CDH12: variants seen among roughly 807,000 people sequenced by gnomAD.
CDH12 encodes the protein cadherin-12.
In CDH12, 41 loss-of-function variants were observed where a neutral mutation model predicts 74.1. The observed-to-expected ratio is 0.55, with a 90% CI of 0.43 to 0.72. CDH12 has a LOEUF of 0.72. Among genes scored for constraint, CDH12 ranks in the 30% least tolerant of loss-of-function variants. The pLI is 0.00. For missense variants in CDH12, 945 were observed against 977.2 expected, an observed-to-expected ratio of 0.97 and a Z score of 0.44; for synonymous variants, 399 against 355.0, an observed-to-expected ratio of 1.12 and a Z score of -1.39.
At position 22,262,172 on chromosome 5, in the gene CDH12, G is replaced by T. The variant is rs571065124; in HGVS notation, c.-332-49529C>A. Among the ~76,000 whole-genome samples the T allele has an allele frequency of 3.6e-4, 54 of 151,272 alleles. 1 individual carries two copies. The highest frequency in any genetic ancestry group is 2.2e-3 in the Admixed American group (33 of 15,186). On this transcript the variant is annotated intron_variant, in intron 3 of 14. Transcript: ENST00000382254. ...TAGGGTACATGTGCACATTGTGCAG[G>T]TTAGTTACATATGTATACATGTGCT...
chr5:22,513,511 C>G (rs1389319155), intron 1 of CDH12, among the ~76,000 whole-genome samples: 1 of 152,172 alleles, frequency 6.6e-6, no homozygotes, highest in Non-Finnish European at 1.5e-5. Flanking sequence ...TCTACAGCAT[C>G]TGAGTATCTT....
chr5:22,141,562 G>A (rs1384702029), intron 4 of CDH12: 5 of 152,096 alleles, frequency 3.3e-5, no homozygotes, highest in Non-Finnish European at 5.9e-5. Flanking sequence ...GGCCAGCAAG[G>A]ATTTTATATT....
intron 1 of CDH12, among the ~76,000 whole-genome samples, chr5:22,563,513 C>T (rs1168425944): frequency 6.6e-6 from 1 of 152,076 alleles, no homozygotes; most frequent in South Asian, 2.1e-4. Flanking sequence ...AATATTTTCT[C>T]CCATTCTGTA....
At chr5:21,843,270 A>T (rs1561234869) in intron 7 of CDH12, among the ~76,000 whole-genome samples, 1 of 152,168 alleles carries the variant, frequency 6.6e-6, no homozygotes, top group African/African-American at 2.4e-5. Context: ...ACTTTCTTTA[A>T]GTAGCATATA....
chr5:21,991,853 G>GT (rs923902440), intron 5 of CDH12, among the ~76,000 whole-genome samples: 12 of 151,658 alleles, frequency 7.9e-5, no homozygotes, highest in Non-Finnish European at 1.3e-4. Flanking sequence ...TATGAGTCAA[G>GT]TTTTTTTGTC....
intron 4 of CDH12, among the ~76,000 whole-genome samples, chr5:22,196,900 G>T (rs1218190752): frequency 6.6e-6 from 1 of 152,018 alleles, no homozygotes; most frequent in Admixed American, 6.6e-5. Context: ...TGGGTCAGTC[G>T]AATTTCTTAA....
rs76059192 is a variant in CDH12 at position 22,371,717 on chromosome 5, T to C, written c.-333+33540A>G. On this transcript the variant is annotated intron_variant, in intron 3 of 14. Transcript: ENST00000382254. ...CTTTTAAAATCAATTAAGTATATAG[T>C]ACATATGTAGAATATTATGTACCAA... 2.7e-3 allele frequency among the ~76,000 whole-genome samples: 409 copies of C among 152,334 alleles called. 13 individuals carry two copies. The East Asian group carries it at 0.071, about 26-fold the overall frequency.
chr5:22,820,103 C>T (rs1749609907), intron 1 of CDH12, among the ~76,000 whole-genome samples: 2 of 149,222 alleles, frequency 1.3e-5, no homozygotes, highest in Admixed American at 1.4e-4. Context: ...CATAGCTGAA[C>T]AGAAATTTCA....
intron 3 of CDH12, among the ~76,000 whole-genome samples, chr5:22,347,390 C>T (rs1190741952): frequency 1.3e-5 from 2 of 152,136 alleles, no homozygotes; most frequent in African/African-American, 4.8e-5. Context: ...CCTTGAGCAT[C>T]GGACTCCAAA....
intron 6 of CDH12, among the ~76,000 whole-genome samples, chr5:21,943,786 A>G (rs1162993719): frequency 6.6e-6 from 1 of 152,220 alleles, no homozygotes; most frequent in African/African-American, 2.4e-5. Context: ...TAACAGGAAC[A>G]GCTACAAAAT....
rs189037604 is a variant in CDH12, at chr5:22,660,557, A to T, written c.-522-155193T>A. Among the ~76,000 whole-genome samples, 620 of 152,264 alleles carry T rather than the reference A, an allele frequency of 4.1e-3. 4 individuals are homozygous for T. The highest frequency in any genetic ancestry group is 0.014 in the African/African-American group (585 of 41,560). On this transcript the variant is annotated intron_variant, in intron 1 of 14. Transcript: ENST00000382254. Reference sequence around the variant, plus strand: ...CCCCGGAGTAGCTGTGACTACAGGCATGCATCACCACGCCCAGCTAATTTT... The same window carrying T: ...CCCCGGAGTAGCTGTGACTACAGGCTTGCATCACCACGCCCAGCTAATTTT...
At chr5:22,194,328 G>GTT (rs754082945) in intron 4 of CDH12, among the ~76,000 whole-genome samples, 7 of 111,444 alleles carry the variant, frequency 6.3e-5, no homozygotes, top group African/African-American at 9.9e-5. Flanking sequence ...TTTTTGTTTT[G>GTT]TTTTTTTTGT....
intron 3 of CDH12, among the ~76,000 whole-genome samples, chr5:22,311,085 A>G (rs1221743913): frequency 6.6e-6 from 1 of 152,152 alleles, no homozygotes; most frequent in South Asian, 2.1e-4. Context: ...TTAAGAACTT[A>G]CTCAATTCAT....
intron 3 of CDH12, among the ~76,000 whole-genome samples, chr5:22,376,810 G>C (rs144769439): frequency 6.6e-6 from 1 of 150,848 alleles, no homozygotes; most frequent in African/African-American, 2.4e-5. Flanking sequence ...GACGTGAGCC[G>C]CTGTACCTAG....
At chr5:21,923,620 C>T (rs938487696) in intron 6 of CDH12, among the ~76,000 whole-genome samples, 20 of 152,072 alleles carry the variant, frequency 1.3e-4, no homozygotes, top group Non-Finnish European at 2.4e-4. Context: ...TTCTGATTCC[C>T]GCAGTGATTC....
At chr5:22,441,697 T>C (rs1312225152) in intron 2 of CDH12, among the ~76,000 whole-genome samples, 1 of 152,126 alleles carries the variant, frequency 6.6e-6, no homozygotes, top group Non-Finnish European at 1.5e-5. Context: ...TATTATTTGT[T>C]TTGTTAATAT....
chr5:22,654,219 TGTTTC>T (rs1739900086), intron 1 of CDH12, among the ~76,000 whole-genome samples: 1 of 151,192 alleles, frequency 6.6e-6, no homozygotes, highest in South Asian at 2.1e-4. Context: ...TCTTTCTTTT[TGTTTC>T]TTTGTTTCTT....
chr5:22,284,163 AG>A (rs1471371856), intron 3 of CDH12, among the ~76,000 whole-genome samples: 1 of 152,202 alleles, frequency 6.6e-6, no homozygotes, highest in Non-Finnish European at 1.5e-5. Flanking sequence ...AGATTTTGAT[AG>A]AACTTTGAAG....
At chr5:22,819,807 A>G (rs1210262949) in intron 1 of CDH12, among the ~76,000 whole-genome samples, 2 of 150,904 alleles carry the variant, frequency 1.3e-5, no homozygotes, top group Admixed American at 6.6e-5. Flanking sequence ...CCAAAATAAA[A>G]TTAAGATATC....
Sources: gnomAD v4.1 joint callset for allele counts (sites outside exome capture counted in the v4.1 genomes callset) on GRCh38, gnomAD v4.1.1 for gene constraint, MANE v1.5 for transcripts, NCBI Gene and HGNC (gene_info 2026-07-23, HGNC 2026-07-21) for gene names.